Variants in BCL6 observed in about 807,000 individuals in gnomAD.
BCL6 encodes B-cell lymphoma 6 protein.
BCL6 carries 7 observed loss-of-function variants against 59.5 expected under a neutral mutation model. The ratio of observed to expected loss-of-function variants is 0.12; its 90% CI spans 0.07 to 0.22. BCL6 has a LOEUF of 0.22. BCL6 is among the 10% of genes least tolerant of loss of function. The pLI is 1.00. For missense variants in BCL6, 685 were observed against 939.4 expected (o/e 0.73, Z 3.54); for synonymous variants, 339 against 349.7 (o/e 0.97, Z 0.34).
intron 1 of BCL6, among the ~76,000 whole-genome samples, chr3:187,739,523 G>T (rs776239008): frequency 1.2e-4 from 19 of 152,206 alleles, no homozygotes; most frequent in Non-Finnish European, 2.4e-4. Flanking sequence ...GATAACCGAG[G>T]TGTTCGGGGA....
At chr3:187,723,399 T>A (rs1299115417) in intron 9 of BCL6, among the ~76,000 whole-genome samples, 1 of 152,148 alleles carries the variant, frequency 6.6e-6, no homozygotes, top group Non-Finnish European at 1.5e-5. Flanking sequence ...CATTCTTAGA[T>A]AAAAACAAAG....
intron 6 of BCL6, among the ~76,000 whole-genome samples, chr3:187,727,679 T>C (rs1461925844): frequency 6.6e-6 from 1 of 152,172 alleles, no homozygotes; most frequent in Non-Finnish European, 1.5e-5. Context: ...GCCAAATCTC[T>C]TGGTGTAAGC....
chr3:187,722,370 T>A lies in BCL6; in HGVS notation c.*88A>T. 9.2e-7 allele frequency: 1 copy of A among 1,081,226 alleles called. No individual in the cohort carries two copies. The highest frequency in any genetic ancestry group is 1.2e-6 in the Non-Finnish European group (1 of 857,778). 67.0% of individuals were successfully genotyped at this position (1,081,226 alleles called of 1,614,324 possible). A position where few individuals can be genotyped will look rare whatever the true frequency, so the allele number is the denominator to read the frequency against. On this transcript the variant is annotated 3_prime_UTR_variant, in exon 10 of 10. Coordinates refer to ENST00000406870, the MANE Select transcript of BCL6 (RefSeq NM_001706.5). ...ACTAGTGGATGAAAGAGGCACTACA[T>A]CATGGGATGAACATTGTAAAGTGTT...
At chr3:187,745,286 GA>G (rs1267839044) in intron 1 of BCL6, 123 bp downstream of exon 1, 13 of 393,004 alleles carry the variant, frequency 3.3e-5, no homozygotes, top group South Asian at 2.5e-4. Flanking sequence ...GGCAAGAGCG[GA>G]AAAAAAAAGA....
chr3:187,722,310 A>ACAC lies in BCL6; in HGVS notation c.*147_*148insGTG. On this transcript the variant is annotated 3_prime_UTR_variant, in exon 10 of 10. Transcript: ENST00000406870. ...GCGGCTCCCAGTCCCCCAGGCCCCG[A>ACAC]CCCCCACCACCCCCAACCCCCAGCT... 1 of 112,696 alleles carries ACAC rather than the reference A, an allele frequency of 8.9e-6. No homozygotes were observed. The highest frequency in any genetic ancestry group is 1.7e-5 in the Non-Finnish European group (1 of 59,590). 7.0% of individuals were successfully genotyped at this position (112,696 alleles called of 1,614,324 possible). A position where few individuals can be genotyped will look rare whatever the true frequency, so the allele number is the denominator to read the frequency against.
intron 1 of BCL6, among the ~76,000 whole-genome samples, chr3:187,744,121 A>T (rs2108482908): frequency 6.6e-6 from 1 of 152,246 alleles, no homozygotes. Flanking sequence ...AGCTTGCACC[A>T]TGGGAAAAAA....
Position 187,729,452 on chromosome 3 carries a change from G to C in BCL6, c.953C>G (p.Pro318Arg). The C allele has an allele frequency of 1.2e-6, 2 of 1,609,844 alleles. No individual in the cohort carries two copies. The highest frequency in any genetic ancestry group is 1.7e-6 in the Non-Finnish European group (2 of 1,177,472). The change falls in exon 5 of 10, where the codon CCC becomes CGC. Residue 318 changes from proline (P) to arginine (R), a missense_variant. Physicochemically the swap from Pro to Arg is moderately radical, Grantham distance 103. Transcript: ENST00000406870. This position sits in a 1 kb window ranked among gnomAD's most constrained non-coding sequence, Gnocchi z 5.6. ...CTTCCGGTTCAGGGGTGCATTGGGGGGCTCGAAATGCAGGGCAATCTCATC... is the reference window on the plus strand; with the variant it reads ...CTTCCGGTTCAGGGGTGCATTGGGGCGCTCGAAATGCAGGGCAATCTCATC... ...SEDEIALHFE[P>R]PNAPLNRKGL... is the part of the protein sequence containing the mutation.
intron 1 of BCL6, among the ~76,000 whole-genome samples, chr3:187,744,250 G>C (rs1026880154): frequency 6.6e-6 from 1 of 152,116 alleles, no homozygotes; most frequent in African/African-American, 2.4e-5. Flanking sequence ...CGTTCTCCCA[G>C]GCTGTCCTGT....
rs1718456263 is a variant in BCL6 at position 187,722,273 on chromosome 3, G to C, written c.*185C>G. ...CTTAATGTTTTATGGCAGTGGGGGA[G>C]GGGGAGCTGCTGCGGCTCCCAGTCC... is the stretch of plus-strand genomic sequence containing the variant. On this transcript the variant is annotated 3_prime_UTR_variant, in exon 10 of 10. Coordinates refer to ENST00000406870, the MANE Select transcript of BCL6 (RefSeq NM_001706.5). The C allele has an allele frequency of 1.2e-5, 7 of 589,136 alleles. No homozygotes were observed. In the South Asian group the frequency reaches 1.8e-4, roughly 16 times the overall value. The allele number at this position is 589,136 out of a possible 1,614,324, so 36.5% of individuals were successfully genotyped here. A position where few individuals can be genotyped will look rare whatever the true frequency, so the allele number is the denominator to read the frequency against.
At chr3:187,726,471 A>T (rs1160437503) in intron 7 of BCL6, among the ~76,000 whole-genome samples, 2 of 152,176 alleles carry the variant, frequency 1.3e-5, no homozygotes, top group Admixed American at 6.5e-5. Flanking sequence ...GTACAGTGGG[A>T]TTAACACTTC....
chr3:187,732,375 T>C (rs1719089805), intron 3 of BCL6: 1 of 436,010 alleles, frequency 2.3e-6, no homozygotes, highest in Non-Finnish European at 4.6e-6. Context: ...TTTTAGAATT[T>C]GGCTATGAAT....
intron 1 of BCL6, among the ~76,000 whole-genome samples, chr3:187,740,177 C>T (rs1052128834): frequency 6.6e-6 from 1 of 152,176 alleles, no homozygotes; most frequent in Admixed American, 6.5e-5. Context: ...GAAAACTTTA[C>T]GGAGGAACTG....
intron 1 of BCL6, among the ~76,000 whole-genome samples, chr3:187,741,744 C>T (rs1452387900): frequency 6.6e-6 from 1 of 152,236 alleles, no homozygotes; most frequent in Non-Finnish European, 1.5e-5. Flanking sequence ...ACCATTGCTC[C>T]ACGCCATCCA....
intron 6 of BCL6, among the ~76,000 whole-genome samples, chr3:187,727,647 A>G (rs1718787252): frequency 6.6e-6 from 1 of 152,238 alleles, no homozygotes; most frequent in African/African-American, 2.4e-5. Flanking sequence ...CCGCTCTCCC[A>G]TCTATGGGTC....
chr3:187,728,263 A>G (rs1196639905), intron 6 of BCL6, 97 bp downstream of exon 6: 6 of 1,271,512 alleles, frequency 4.7e-6, no homozygotes, highest in African/African-American at 3.1e-5. Context: ...GACTGCTCCA[A>G]TCAGAGACAA....
intron 4 of BCL6, 150 bp from the exon 5 acceptor site, chr3:187,730,171 G>A (rs1718971653): frequency 1.3e-5 from 15 of 1,164,236 alleles, no homozygotes; most frequent in South Asian, 3.7e-5. Flanking sequence ...CAATTACAAC[G>A]CATTTATGCT....
At chr3:187,744,428 T>G (rs538855164) in intron 1 of BCL6, among the ~76,000 whole-genome samples, 6 of 150,102 alleles carry the variant, frequency 4.0e-5, no homozygotes, top group South Asian at 2.2e-4. Context: ...CAAGAAAGAA[T>G]AATTTTCAAA....
intron 1 of BCL6, among the ~76,000 whole-genome samples, chr3:187,744,612 C>A: frequency 6.6e-6 from 1 of 152,170 alleles, no homozygotes; most frequent in African/African-American, 2.4e-5. Flanking sequence ...AGTTCGCTTG[C>A]ATTTTTTCCT....
intron 1 of BCL6, among the ~76,000 whole-genome samples, chr3:187,741,789 C>T (rs1711606934): frequency 6.6e-6 from 1 of 152,234 alleles, no homozygotes; most frequent in Non-Finnish European, 1.5e-5. Context: ...CACATACGTC[C>T]TGCCACCGCC....
Sources: gnomAD v4.1 joint callset for allele counts (sites outside exome capture counted in the v4.1 genomes callset) on GRCh38, gnomAD v4.1.1 for gene constraint, Gnocchi (gnomAD v3.1) non-coding constraint, MANE v1.5 for transcripts, NCBI Gene and HGNC (gene_info 2026-07-23, HGNC 2026-07-21) for gene names.